The following C9orf43 variants were observed in gnomAD, a reference collection of about 807,000 sequenced individuals.
The protein encoded by C9orf43 is uncharacterized protein C9orf43.
C9orf43 carries 45 observed loss-of-function variants against 59.1 expected under a neutral mutation model. The ratio of observed to expected loss-of-function variants is 0.76; its 90% CI spans 0.60 to 0.98. The LOEUF is 0.98. Among genes scored for constraint, C9orf43 ranks in the 50% least tolerant of loss-of-function variants. The pLI is 0.00. For missense variants in C9orf43, 533 were observed against 554.9 expected (o/e 0.96, Z 0.40); for synonymous variants, 203 against 196.8 (o/e 1.03, Z -0.26).
intron 1 of C9orf43, among the ~76,000 whole-genome samples, chr9:113,411,428 A>G (rs1828142832): frequency 6.6e-6 from 1 of 150,922 alleles, no homozygotes; most frequent in Non-Finnish European, 1.5e-5. Flanking sequence ...CCTCCTTAGT[A>G]GCTGGGACTA....
In C9orf43 at chr9:113,428,896, T is replaced by G. The variant is rs1158892251; in HGVS notation, c.1108-4T>G. 6.2e-7 allele frequency: 1 copy of G among 1,612,862 alleles called. No homozygotes were observed. ...AAATTTCCTTATACCCCAATGAATT[T>G]CAGGATTCCACGGAGAGACCAAAGA... is the stretch of plus-strand genomic sequence containing the variant. On this transcript the variant is annotated splice_polypyrimidine_tract_variant and splice_region_variant and intron_variant, in intron 12 of 13. Coordinates refer to ENST00000374165, the MANE Select transcript of C9orf43 (RefSeq NM_001278629.2).
chr9:113,429,232 T>C lies in C9orf43; in HGVS notation c.1232T>C (p.Val411Ala). The change falls in exon 14 of 14, where the codon GTG becomes GCG. Residue 411 changes from valine (V) to alanine (A), a missense_variant. Physicochemically the swap from Val to Ala is moderately conservative, Grantham distance 64. Transcript: ENST00000374165. ...GACATTAGTGCTCCAGTGGACGCTG[T>C]GCCAGAAGCCCAGGCTGCCAGGCAA... The part of the protein sequence containing the change: ...NKDISAPVDA[V>A]PEAQAARQKK... 1 of 1,614,178 alleles carries C rather than the reference T, an allele frequency of 6.2e-7. No individual in the cohort carries two copies. The highest frequency in any genetic ancestry group is 8.5e-7 in the Non-Finnish European group (1 of 1,180,032).
In C9orf43 at chr9:113,424,321, G is replaced by T; in HGVS notation, c.807+5G>T. The T allele has an allele frequency of 1.9e-6, 3 of 1,600,174 alleles. No individual in the cohort carries two copies. The highest frequency in any genetic ancestry group is 2.6e-6 in the Non-Finnish European group (3 of 1,175,626). ...ATACACCGCCTCACCCTGGAAGTAAGAGCTAGGAAACAGCAGGGAAGAAGC... is the reference window on the plus strand; with the variant it reads ...ATACACCGCCTCACCCTGGAAGTAATAGCTAGGAAACAGCAGGGAAGAAGC... On this transcript the variant is annotated splice_donor_5th_base_variant and intron_variant, in intron 8 of 13. Transcript: ENST00000374165.
intron 1 of C9orf43, among the ~76,000 whole-genome samples, chr9:113,412,994 A>T (rs1179680553): frequency 6.6e-6 from 1 of 152,234 alleles, no homozygotes; most frequent in South Asian, 2.1e-4. Flanking sequence ...TTCTGTGACT[A>T]CTTTGGTCAT....
intron 3 of C9orf43, among the ~76,000 whole-genome samples, chr9:113,415,155 T>C (rs552301563): frequency 1.1e-4 from 16 of 151,756 alleles, no homozygotes; most frequent in Admixed American, 1.1e-3. Flanking sequence ...TCCTTTTTTT[T>C]TGGTGGGGGA....
At chr9:113,411,859 G>C (rs769812627) in intron 1 of C9orf43, among the ~76,000 whole-genome samples, 2 of 151,814 alleles carry the variant, frequency 1.3e-5, no homozygotes, top group Non-Finnish European at 1.5e-5. Context: ...TGTATTTTTC[G>C]TAGAGACAGG....
At chr9:113,411,731 T>A (rs907824416) in intron 1 of C9orf43, among the ~76,000 whole-genome samples, 2 of 152,166 alleles carry the variant, frequency 1.3e-5, no homozygotes, top group African/African-American at 4.8e-5. Context: ...CAGGCTGGAG[T>A]GCAGCGGCAC....
chr9:113,418,979 A>G (rs1281160980), intron 3 of C9orf43, 129 bp from the exon 4 acceptor site: 5 of 670,750 alleles, frequency 7.5e-6, no homozygotes, highest in Non-Finnish European at 1.2e-5. Flanking sequence ...GTGAGATCCT[A>G]CATTCATTTG....
chr9:113,420,745 T>C (rs1355208688), intron 4 of C9orf43: 1 of 985,154 alleles, frequency 1.0e-6, no homozygotes, highest in Non-Finnish European at 1.2e-6. Flanking sequence ...AAACTGCAGA[T>C]TGTAATGTCT....
At chr9:113,413,977 G>A in intron 3 of C9orf43, 83 bp downstream of exon 3, 1 of 1,418,352 alleles carries the variant, frequency 7.1e-7, no homozygotes, top group Non-Finnish European at 9.5e-7. Context: ...AGTATACTTT[G>A]AGAAAGCTAG....
At chr9:113,411,071 C>A in intron 1 of C9orf43, 70 bp downstream of exon 1, 1 of 985,270 alleles carries the variant, frequency 1.0e-6, no homozygotes, top group Non-Finnish European at 1.2e-6. Context: ...TTTAGGCAGC[C>A]CAGGGATAAT....
intron 6 of C9orf43, among the ~76,000 whole-genome samples, 172 bp from the exon 7 acceptor site, chr9:113,423,151 TACA>T (rs1473944667): frequency 4.6e-5 from 7 of 152,152 alleles, no homozygotes; most frequent in Non-Finnish European, 8.8e-5. Flanking sequence ...ATGATCTGAA[TACA>T]ACAACAGAGT....
At chr9:113,416,614 A>G (rs921058281) in intron 3 of C9orf43, among the ~76,000 whole-genome samples, 1 of 151,272 alleles carries the variant, frequency 6.6e-6, no homozygotes. Flanking sequence ...CATCTATGCC[A>G]CACCTCCCAC....
intron 11 of C9orf43, among the ~76,000 whole-genome samples, chr9:113,426,128 A>C (rs1341238349): frequency 6.6e-6 from 1 of 152,146 alleles, no homozygotes. Flanking sequence ...CTAGAACCCC[A>C]AAAGAGTTCT....
At position 113,413,839 on chromosome 9, in the gene C9orf43, A is replaced by G. The variant is rs750486753; in HGVS notation, c.232A>G (p.Lys78Glu). 6.2e-7 allele frequency: 1 copy of G among 1,614,002 alleles called. No individual in the cohort carries two copies. The highest frequency in any genetic ancestry group is 1.1e-5 in the South Asian group (1 of 91,048). Residue 78 changes from lysine to glutamate, a missense_variant, in exon 3 of 14, where the codon AAG (lysine) becomes GAG (glutamate). Coordinates refer to ENST00000374165, the MANE Select transcript of C9orf43 (RefSeq NM_001278629.2). ...AHHLPECTFT[K>E]AHSLLSQSSK... ...TCATTTACCAGAATGTACCTTTACT[A>G]AGGCCCATTCTTTATTGTCTCAGAG...
At chr9:113,415,324 TG>T (rs1293651584) in intron 3 of C9orf43, among the ~76,000 whole-genome samples, 3 of 152,158 alleles carry the variant, frequency 2.0e-5, no homozygotes, top group African/African-American at 7.2e-5. Context: ...TTGGATTTTT[TG>T]TATAGACAGG....
chr9:113,421,414 A>G (rs1828567295), intron 5 of C9orf43, among the ~76,000 whole-genome samples: 1 of 151,694 alleles, frequency 6.6e-6, no homozygotes, highest in South Asian at 2.1e-4. Context: ...ACTTCTCCAT[A>G]TCAAATTTTA....
Position 113,425,400 on chromosome 9 carries a change from AAAACACCTATTAAG to A in C9orf43, c.928_941del (p.Pro310GlyfsTer3). 6 of 1,614,070 alleles carry A rather than the reference AAAACACCTATTAAG, an allele frequency of 3.7e-6. No individual in the cohort carries two copies. Among genetic ancestry groups the A allele is most frequent in the Non-Finnish European group, 5.1e-6 (6 of 1,179,976 alleles). On this transcript the variant is annotated frameshift_variant, in exon 10 of 14. Transcript: ENST00000374165. LOFTEE classifies it high-confidence loss of function. ...GCAGCAGCAGCAACAGAAGAAGGTG[AAAACACCTATTAAG>A]AAACAGGTAGAGTGGCAGTGAGGGG...
At chr9:113,412,764 C>G (rs1374229368) in intron 1 of C9orf43, among the ~76,000 whole-genome samples, 1 of 152,120 alleles carries the variant, frequency 6.6e-6, no homozygotes, top group East Asian at 1.9e-4. Flanking sequence ...AAGTCAGGAC[C>G]CCTCCCCCTA....
Sources: gnomAD v4.1 joint callset for allele counts (sites outside exome capture counted in the v4.1 genomes callset) on GRCh38, gnomAD v4.1.1 for gene constraint, MANE v1.5 for transcripts, NCBI Gene and HGNC (gene_info 2026-07-23, HGNC 2026-07-21) for gene names.